Variants in MTIF2 observed in about 807,000 individuals in gnomAD.
MTIF2 encodes mitochondrial translational initiation factor 2, also known as translation initiation factor IF-2, mitochondrial.
A neutral mutation model predicts 83.5 loss-of-function variants in MTIF2; 71 were observed. The ratio of observed to expected loss-of-function variants is 0.85; its 90% CI spans 0.70 to 1.04. MTIF2 has a LOEUF of 1.04. MTIF2 is among the 50% of genes least tolerant of loss of function. The pLI, the probability that MTIF2 is intolerant of heterozygous loss-of-function variation, is 0.00. For missense variants in MTIF2, 957 were observed against 846.5 expected, an observed-to-expected ratio of 1.13 and a Z score of -1.62; for synonymous variants, 319 against 287.1, an observed-to-expected ratio of 1.11 and a Z score of -1.12.
chr2:55,254,145 C>A lies in MTIF2; in HGVS notation c.560G>T (p.Gly187Val), dbSNP rs1259414212. ...TPRSPVVTIM[G>V]HVDHGKTTLL... ...TGTCGTTTTCCCGTGATCAACATGG[C>A]CCATTATAGTAACAACTGGGGACCT... Residue 187 changes from glycine to valine, a missense_variant, in exon 7 of 16, where the codon GGC (glycine) becomes GTC (valine). This residue lies in a region of MTIF2 where 733 missense variants were observed against 648.7 expected (regional missense o/e 1.13). Coordinates refer to ENST00000263629, the MANE Select transcript of MTIF2 (RefSeq NM_002453.3). 6.2e-7 allele frequency: 1 copy of A among 1,614,118 alleles called. No homozygotes were observed. The highest frequency in any genetic ancestry group is 1.7e-5 in the Admixed American group (1 of 60,008).
intron 7 of MTIF2, among the ~76,000 whole-genome samples, chr2:55,253,269 T>G: frequency 6.6e-6 from 1 of 152,352 alleles, no homozygotes. Context: ...GGGACTATTA[T>G]TTAATTATTA....
intron 13 of MTIF2, among the ~76,000 whole-genome samples, chr2:55,242,280 G>A (rs550053886): frequency 6.6e-6 from 1 of 152,156 alleles, no homozygotes; most frequent in East Asian, 1.9e-4. Context: ...ATCCTTTTCA[G>A]TAGTAGAGGT....
chr2:55,256,757 T>C (rs565479381), intron 5 of MTIF2, among the ~76,000 whole-genome samples: 1 of 151,614 alleles, frequency 6.6e-6, no homozygotes, highest in Non-Finnish European at 1.5e-5. Context: ...CAGGCTAGAG[T>C]GCAGTGGCAC....
chr2:55,263,806 T>C lies in MTIF2; in HGVS notation c.53A>G (p.Tyr18Cys), dbSNP rs908399621. The change falls in exon 4 of 16, where the codon TAT (tyrosine) becomes TGT (cysteine). Residue 18 changes from tyrosine to cysteine, a missense_variant. By Grantham distance (194) the Tyr-to-Cys change is radical (BLOSUM62 -2). Transcript: ENST00000263629. ...LENLLRFHTI[Y>C]RQLHSLCQRR... ...TTGACACAGACTGTGCAGTTGCCTATAAATAGTGTGAAATCGTAGCAAGTT... is the reference window on the plus strand; with the variant it reads ...TTGACACAGACTGTGCAGTTGCCTACAAATAGTGTGAAATCGTAGCAAGTT... 2 of 1,614,066 alleles carry C rather than the reference T, an allele frequency of 1.2e-6. No homozygotes were observed. The highest frequency in any genetic ancestry group is 2.2e-5 in the East Asian group (1 of 44,874).
chr2:55,268,144 T>C (rs919886841), intron 2 of MTIF2, among the ~76,000 whole-genome samples: 3 of 151,830 alleles, frequency 2.0e-5, no homozygotes, highest in East Asian at 1.9e-4. Context: ...TCCCAGCGAC[T>C]TGGGAGGCTG....
In MTIF2 at chr2:55,237,467, A is replaced by AGAT. The variant is rs764725866; in HGVS notation, c.1871-42_1871-40dup. 5.8e-6 allele frequency: 9 copies of AGAT among 1,540,952 alleles called. No homozygotes were observed. In the South Asian group the frequency reaches 1.1e-4, roughly 19 times the overall value. The stretch of plus-strand genomic sequence containing the variant: ...AGAACATTAATGTGCAGAAAACTAA[A>AGAT]GATTCTGATAAATACGTAATTTCTG... On this transcript the variant is annotated intron_variant, in intron 14 of 15. Transcript: ENST00000263629.
chr2:55,248,003 G>C (rs538337478), intron 9 of MTIF2, among the ~76,000 whole-genome samples: 1 of 152,198 alleles, frequency 6.6e-6, no homozygotes, highest in African/African-American at 2.4e-5. Flanking sequence ...TGGTCCTCCA[G>C]TCTTAGCCTC....
In MTIF2 at chr2:55,242,935, C is replaced by A; in HGVS notation, c.1705+5G>T. On this transcript the variant is annotated splice_donor_5th_base_variant and intron_variant, in intron 13 of 15. Coordinates refer to ENST00000263629, the MANE Select transcript of MTIF2 (RefSeq NM_002453.3). ...CAGATTAACAAGAAGAAATGGAATC[C>A]TTACCATCAAATGTTTCAGCAAGGT... 2 of 1,603,326 alleles carry A rather than the reference C, an allele frequency of 1.2e-6. No individual in the cohort carries two copies. The highest frequency in any genetic ancestry group is 1.7e-6 in the Non-Finnish European group (2 of 1,176,338).
At chr2:55,259,231 C>T (rs553543345) in intron 5 of MTIF2, among the ~76,000 whole-genome samples, 1 of 152,086 alleles carries the variant, frequency 6.6e-6, no homozygotes, top group East Asian at 1.9e-4. Context: ...ACTTAACTGA[C>T]CCAGGAGAAG....
intron 3 of MTIF2, among the ~76,000 whole-genome samples, chr2:55,264,506 T>C (rs184305953): frequency 1.3e-5 from 2 of 152,282 alleles, no homozygotes; most frequent in Admixed American, 1.3e-4. Context: ...GTGTTGAAAT[T>C]ACAGGCATGA....
At chr2:55,262,538 T>TTTA in intron 4 of MTIF2, 111 bp from the exon 5 acceptor site, 14 of 484,090 alleles carry the variant, frequency 2.9e-5, no homozygotes, top group East Asian at 7.9e-5. Flanking sequence ...TTTCTTTTTT[T>TTTA]TTCTTTTTTT....
At chr2:55,253,638 A>AACCC (rs1004314618) in intron 7 of MTIF2, among the ~76,000 whole-genome samples, 90 of 151,846 alleles carry the variant, frequency 5.9e-4, no homozygotes, top group South Asian at 3.3e-3. Flanking sequence ...AACATGGGGA[A>AACCC]ACCCTGTCTC....
intron 5 of MTIF2, among the ~76,000 whole-genome samples, chr2:55,258,582 T>G (rs1677718997): frequency 6.6e-6 from 1 of 151,942 alleles, no homozygotes. Flanking sequence ...GAGGCTAAGG[T>G]GGGTGGATCA....
At chr2:55,264,334 T>C (rs1378130130) in intron 3 of MTIF2, among the ~76,000 whole-genome samples, 2 of 152,120 alleles carry the variant, frequency 1.3e-5, no homozygotes. Context: ...CAGGCTAAGG[T>C]GATGCTCTCA....
At position 55,237,649 on chromosome 2, in the gene MTIF2, CT is replaced by C. The variant is rs536036933; in HGVS notation, c.1871-222del. On this transcript the variant is annotated intron_variant, in intron 14 of 15. Transcript: ENST00000263629. ...GCTATTCTTTTCCTTTTCTTTTTTT[CT>C]TTTTTTTTTTTTTTTTTTGAGACAG... Among the ~76,000 whole-genome samples, 426 of 112,962 alleles carry C rather than the reference CT, an allele frequency of 3.8e-3. 1 individual carries two copies. The highest frequency in any genetic ancestry group is 0.011 in the East Asian group (44 of 3,970). 74.1% of individuals were successfully genotyped at this position (112,962 alleles called of 152,430 possible). A position where few individuals can be genotyped will look rare whatever the true frequency, so the allele number is the denominator to read the frequency against.
intron 5 of MTIF2, among the ~76,000 whole-genome samples, chr2:55,258,529 C>T (rs994579407): frequency 2.6e-5 from 4 of 151,626 alleles, no homozygotes; most frequent in Admixed American, 6.6e-5. Context: ...ATTAGCAAGG[C>T]GGCTGGGCGC....
At chr2:55,237,613 G>GA (rs774726351) in intron 14 of MTIF2, among the ~76,000 whole-genome samples, 185 bp from the exon 15 acceptor site, 29 of 149,794 alleles carry the variant, frequency 1.9e-4, no homozygotes, top group Non-Finnish European at 3.7e-4. Context: ...AAAAATGAAT[G>GA]AAAATCTTTG....
In MTIF2 at chr2:55,265,062, G is replaced by A. The variant is rs189026715; in HGVS notation, c.-7-1197C>T. 1.1e-4 allele frequency among the ~76,000 whole-genome samples: 16 copies of A among 151,906 alleles called. No individual in the cohort carries two copies. The East Asian group carries it at 2.5e-3, about 24-fold the overall frequency. ...GTTCGAGACTAGCCTGGCCAACGTC[G>A]TGAAACCCTGTCTCTACTAAAAATA... is the stretch of plus-strand genomic sequence containing the variant. On this transcript the variant is annotated intron_variant, in intron 3 of 15. Transcript: ENST00000263629.
chr2:55,237,649 C>CTTTTTTTTTTTTTTTTTTTTTTT (rs536036933), intron 14 of MTIF2, among the ~76,000 whole-genome samples: 1 of 112,992 alleles, frequency 8.9e-6, no homozygotes, highest in African/African-American at 3.4e-5. Context: ...TTCTTTTTTT[C>CTTTTTTTTTTTTTTTTTTTTTTT]TTTTTTTTTT....
Sources: allele counts gnomAD v4.1 joint callset (sites outside exome capture counted in the v4.1 genomes callset), GRCh38; gene constraint gnomAD v4.1.1; regional missense constraint gnomAD v4.1.1; transcripts MANE v1.5; gene names NCBI Gene and HGNC (gene_info 2026-07-23, HGNC 2026-07-21).